ZNF536: variants seen among roughly 807,000 people sequenced by gnomAD.
ZNF536 encodes zinc finger protein 536.
Under a neutral mutation model 84.5 loss-of-function variants are expected in ZNF536, and 13 were observed. The ratio of observed to expected loss-of-function variants is 0.15; its 90% CI spans 0.10 to 0.24. ZNF536 has a LOEUF of 0.24. Ranked by LOEUF, ZNF536 falls within the 10% of genes least tolerant of loss-of-function variation. The pLI, the probability that ZNF536 is intolerant of heterozygous loss-of-function variation, is 1.00. For missense variants in ZNF536, 1,536 were observed against 1,747.5 expected, an observed-to-expected ratio of 0.88 and a Z score of 2.16; for synonymous variants, 811 against 742.5, an observed-to-expected ratio of 1.09 and a Z score of -1.50.
chr19:30,384,316 TTCCCCTCCCC>T (rs1198489852), intron 1 of ZNF536, among the ~76,000 whole-genome samples: 2 of 1,910 alleles, frequency 1.0e-3, no homozygotes, highest in African/African-American at 2.5e-3. Flanking sequence ...CTCCCCTCCC[TTCCCCTCCCC>T]TCCCCTCCCC....
Position 30,446,271 on chromosome 19 carries a change from AAAAGAAAG to A in ZNF536, c.2170+555_2170+562del, listed in dbSNP as rs1295737805. 7.9e-3 allele frequency among the ~76,000 whole-genome samples: 1,156 copies of A among 146,410 alleles called. 18 individuals are homozygous for A. Among genetic ancestry groups the A allele is most frequent in the Non-Finnish European group, 0.012 (786 of 66,188 alleles). ...CTCAAAAAAAAAAAAAAAAAAAAAA[AAAAGAAAG>A]AAAGAAAGAAAGAAAAAAGAAAGTT... On this transcript the variant is annotated intron_variant, in intron 2 of 4. Coordinates refer to ENST00000355537, the MANE Select transcript of ZNF536 (RefSeq NM_014717.3).
chr19:30,375,701 G>A (rs1237031086), intron 1 of ZNF536, among the ~76,000 whole-genome samples: 1 of 152,230 alleles, frequency 6.6e-6, no homozygotes, highest in Non-Finnish European at 1.5e-5. Flanking sequence ...GGAATGTGCC[G>A]GCGTGGCACG....
chr19:30,374,632 A>AG (rs2048736923), intron 1 of ZNF536, among the ~76,000 whole-genome samples: 1 of 152,048 alleles, frequency 6.6e-6, no homozygotes, highest in African/African-American at 2.4e-5. Flanking sequence ...GCAAAGACAA[A>AG]GGGGGTAATT....
chr19:30,327,751 C>T (rs1202395579), intron 2 of ZNF536, among the ~76,000 whole-genome samples: 4 of 152,216 alleles, frequency 2.6e-5, no homozygotes, highest in African/African-American at 9.6e-5. Flanking sequence ...TCTCAGATCA[C>T]ACTCTTGGAT....
chr19:30,614,360 C>T (rs1156900707), intron 1 of ZNF536, among the ~76,000 whole-genome samples: 2 of 150,220 alleles, frequency 1.3e-5, no homozygotes, highest in African/African-American at 4.9e-5. Context: ...AACCATTACC[C>T]TGTTGATGAA....
At chr19:30,636,253 C>T (rs965204677) in intron 1 of ZNF536, among the ~76,000 whole-genome samples, 12 of 152,108 alleles carry the variant, frequency 7.9e-5, no homozygotes, top group Non-Finnish European at 1.2e-4. Flanking sequence ...CCAGGTCCTA[C>T]GCAGACAGGA....
chr19:30,659,565 G>A (rs1039206186), intron 1 of ZNF536, among the ~76,000 whole-genome samples: 2 of 152,156 alleles, frequency 1.3e-5, no homozygotes, highest in African/African-American at 4.8e-5. Flanking sequence ...CACATGGCTG[G>A]GGAGGCCTCA....
chr19:30,701,628 C>A (rs2051987487), intron 1 of ZNF536, among the ~76,000 whole-genome samples: 1 of 152,260 alleles, frequency 6.6e-6, no homozygotes, highest in Non-Finnish European at 1.5e-5. Flanking sequence ...GCATCTTTGA[C>A]TCCTAACCAG....
intron 1 of ZNF536, among the ~76,000 whole-genome samples, chr19:30,416,043 AC>A (rs2050717193): frequency 1.3e-5 from 2 of 152,098 alleles, no homozygotes; most frequent in Non-Finnish European, 2.9e-5. Flanking sequence ...TTATTTTTGT[AC>A]TACTTTCACA....
intron 2 of ZNF536, among the ~76,000 whole-genome samples, chr19:30,458,436 A>G (rs759952): frequency 0.3 from 41,911 of 141,880 alleles, 6,995 homozygotes; most frequent in African/African-American, 0.47. Flanking sequence ...GTATTTCCTC[A>G]ATTTCCTGCT....
At chr19:30,226,786 G>A (rs891065867), upstream of ZNF536, among the ~76,000 whole-genome samples, 3 of 152,182 alleles carry the variant, frequency 2.0e-5, no homozygotes, top group African/African-American at 7.2e-5. The surrounding 1 kb of genome is among the most constrained non-coding windows in gnomAD (Gnocchi z 4.6). Context: ...GGCTCTGGAA[G>A]GCAGAGGAGA....
At chr19:30,329,452 T>G (rs12977279) in intron 2 of ZNF536, among the ~76,000 whole-genome samples, 4,012 of 152,266 alleles carry the variant, frequency 0.026, 85 homozygotes, top group Non-Finnish European at 0.035. Context: ...CTACAGAATA[T>G]CTGCTTAGAG....
intron 1 of ZNF536, among the ~76,000 whole-genome samples, chr19:30,376,886 G>C (rs1038723615): frequency 1.3e-5 from 2 of 152,064 alleles, no homozygotes; most frequent in African/African-American, 4.8e-5. Flanking sequence ...CGGGTTCATT[G>C]CTGCGCCCAG....
chr19:30,232,602 T>C (rs1055840837), intron 1 of ZNF536, among the ~76,000 whole-genome samples: 2 of 152,260 alleles, frequency 1.3e-5, no homozygotes, highest in African/African-American at 4.8e-5. Flanking sequence ...TCACTGTAGA[T>C]CTCTGGTCTT....
At chr19:30,351,433 C>T (rs943411977) in intron 2 of ZNF536, among the ~76,000 whole-genome samples, 12 of 152,312 alleles carry the variant, frequency 7.9e-5, no homozygotes, top group Middle Eastern at 6.8e-3. Flanking sequence ...CAATTACATG[C>T]GCCAACATCT....
rs74724873 is a variant in ZNF536, at chr19:30,267,098, T to G, written c.-189-16974T>G. On this transcript the variant is annotated intron_variant, in intron 1 of 5. Transcript: ENST00000585628. ...TTTAACAATGATTAATGAACAGAGA[T>G]AGAAAATGAATTACATTGGACTATC... is the stretch of plus-strand genomic sequence containing the variant. Among the ~76,000 whole-genome samples the G allele has an allele frequency of 9.1e-3, 1,391 of 152,312 alleles. 17 individuals carry two copies. Among genetic ancestry groups the G allele is most frequent in the African/African-American group, 0.032 (1,336 of 41,578 alleles).
At chr19:30,310,313 A>G (rs2046460671) in intron 2 of ZNF536, among the ~76,000 whole-genome samples, 1 of 152,162 alleles carries the variant, frequency 6.6e-6, no homozygotes, top group South Asian at 2.1e-4. Flanking sequence ...TGTATTCTTA[A>G]ACAGGGGTTG....
intron 1 of ZNF536, among the ~76,000 whole-genome samples, chr19:30,639,803 G>T (rs866816719): frequency 6.6e-6 from 1 of 152,108 alleles, no homozygotes; most frequent in Non-Finnish European, 1.5e-5. Context: ...GCATCTCGTT[G>T]GCTGCCATTT....
intron 1 of ZNF536, among the ~76,000 whole-genome samples, chr19:30,623,020 G>GTT (rs66483120): frequency 3.2e-4 from 42 of 129,530 alleles, no homozygotes; most frequent in Admixed American, 7.0e-4. Context: ...AAAATCTTGT[G>GTT]TTTTTTTTTT....
Sources: allele counts gnomAD v4.1 joint callset (sites outside exome capture counted in the v4.1 genomes callset), GRCh38; gene constraint gnomAD v4.1.1; non-coding constraint Gnocchi (gnomAD v3.1); transcripts MANE v1.5; gene names NCBI Gene and HGNC (gene_info 2026-07-23, HGNC 2026-07-21).